GUCA1B: variants seen among roughly 807,000 people sequenced by gnomAD.
The protein encoded by GUCA1B is guanylate cyclase activator 1B.
A neutral mutation model predicts 24.2 loss-of-function variants in GUCA1B; 22 were observed. That is an observed-to-expected ratio of 0.91 (90% CI 0.65 to 1.30). The LOEUF is 1.30. Ranked by LOEUF, GUCA1B falls within the 50% of genes most tolerant of loss-of-function variation. The pLI, the probability that GUCA1B is intolerant of heterozygous loss-of-function variation, is 0.00. For missense variants in GUCA1B, 221 were observed against 258.8 expected (o/e 0.85, Z 1.00); for synonymous variants, 100 against 97.9 (o/e 1.02, Z -0.13).
chr6:42,189,942 C>A (rs1356875883), intron 1 of GUCA1B, among the ~76,000 whole-genome samples: 1 of 152,116 alleles, frequency 6.6e-6, no homozygotes, highest in Non-Finnish European at 1.5e-5. Flanking sequence ...TTCTCCAAAT[C>A]AAAAATCTGA....
chr6:42,189,975 C>T (rs1582332882), intron 1 of GUCA1B, among the ~76,000 whole-genome samples: 1 of 152,268 alleles, frequency 6.6e-6, no homozygotes, highest in South Asian at 2.1e-4. Context: ...CCCAGGAGTG[C>T]CTGTCATTCA....
chr6:42,192,983 A>G (rs1768336162), intron 1 of GUCA1B, among the ~76,000 whole-genome samples: 1 of 152,200 alleles, frequency 6.6e-6, no homozygotes, highest in African/African-American at 2.4e-5. Context: ...TGTATCATGT[A>G]TATGTATATA....
At chr6:42,188,912 C>CT (rs60440417) in intron 1 of GUCA1B, among the ~76,000 whole-genome samples, 181 bp from the exon 2 acceptor site, 2,413 of 85,068 alleles carry the variant, frequency 0.028, 92 homozygotes, top group African/African-American at 0.17. Flanking sequence ...ATATCTATAT[C>CT]ATCTCTCTCT....
chr6:42,184,734 C>T lies in GUCA1B; in HGVS notation c.*81G>A. On this transcript the variant is annotated 3_prime_UTR_variant, in exon 4 of 4. Coordinates refer to ENST00000230361, the MANE Select transcript of GUCA1B (RefSeq NM_002098.6). ...AAGTCAACACCAGGGGAAGAGTGGG[C>T]ATGAGCAGGCTGAGCCAGGGACCCT... 1 of 1,340,322 alleles carries T rather than the reference C, an allele frequency of 7.5e-7. No homozygotes were observed. The highest frequency in any genetic ancestry group is 1.1e-6 in the Non-Finnish European group (1 of 934,764). The allele number at this position is 1,340,322 out of a possible 1,614,324, so 83.0% of individuals were successfully genotyped here.
At chr6:42,191,687 C>T (rs1446287906) in intron 1 of GUCA1B, among the ~76,000 whole-genome samples, 1 of 152,158 alleles carries the variant, frequency 6.6e-6, no homozygotes, top group African/African-American at 2.4e-5. Context: ...TTTACTTAGT[C>T]TCAAGATATA....
Position 42,188,677 on chromosome 6 carries a change from C to T in GUCA1B, c.262G>A (p.Gly88Ser). ...CACTTCAGCTTGTGCTCCAGGGTGC[C>T]CCTCAGCACGAGATTCAGAGCTGCC... ...YVAALNLVLR[G>S]TLEHKLKWTF... is the part of the protein sequence containing the mutation. Residue 88 changes from glycine (G) to serine (S), a missense_variant, in exon 2 of 4, where the codon GGC (glycine) becomes AGC (serine). Physicochemically the swap from Gly to Ser is moderately conservative, Grantham distance 56 (BLOSUM62 0). Coordinates refer to ENST00000230361, the MANE Select transcript of GUCA1B (RefSeq NM_002098.6). 1 of 1,614,010 alleles carries T rather than the reference C, an allele frequency of 6.2e-7. No individual in the cohort carries two copies.
At chr6:42,189,584 G>C (rs888348244) in intron 1 of GUCA1B, among the ~76,000 whole-genome samples, 4 of 152,228 alleles carry the variant, frequency 2.6e-5, no homozygotes, top group East Asian at 1.9e-4. Context: ...CCCACTTCTA[G>C]GTCCCAGTGG....
rs886061396 is a variant in GUCA1B, at chr6:42,184,610, A to G, written c.*205T>C. ...GAAAAGTAACTGAATTCCCTTCACC[A>G]TCCCAGGGACTCCTCCAAAATGGAC... On this transcript the variant is annotated 3_prime_UTR_variant, in exon 4 of 4. Coordinates refer to ENST00000230361, the MANE Select transcript of GUCA1B (RefSeq NM_002098.6). 1.4e-5 allele frequency: 9 copies of G among 646,914 alleles called. No homozygotes were observed. The highest frequency in any genetic ancestry group is 2.3e-5 in the Non-Finnish European group (8 of 353,024). The allele number at this position is 646,914 out of a possible 1,614,324, so 40.1% of individuals were successfully genotyped here.
intron 1 of GUCA1B, among the ~76,000 whole-genome samples, chr6:42,194,273 G>A (rs771354284): frequency 4.6e-5 from 7 of 152,168 alleles, no homozygotes; most frequent in Non-Finnish European, 8.8e-5. Flanking sequence ...GCGAAAACCC[G>A]GTCATTGGGC....
chr6:42,192,333 G>A (rs190384698), intron 1 of GUCA1B, among the ~76,000 whole-genome samples: 24 of 108,836 alleles, frequency 2.2e-4, no homozygotes, highest in Admixed American at 1.9e-3. Flanking sequence ...CAGCCAGGGT[G>A]ACAGAGCGAG....
rs1271165844 is a variant in GUCA1B at position 42,188,620 on chromosome 6, C to T, written c.319G>A (p.Gly107Ser). Residue 107 changes from glycine (G) to serine (S), a missense_variant, in exon 2 of 4, where the codon GGC (glycine) becomes AGC (serine). Coordinates refer to ENST00000230361, the MANE Select transcript of GUCA1B (RefSeq NM_002098.6). The part of the protein sequence containing the change: ...TFKIYDKDGN[G>S]CIDRLELLNI... ...AGTAGCTCCAGGCGGTCGATGCAGC[C>T]ATTGCCATCCTTATCATAGATCTTG... The T allele has an allele frequency of 1.2e-6, 2 of 1,614,172 alleles. No individual in the cohort carries two copies. Among genetic ancestry groups the T allele is most frequent in the East Asian group, 2.2e-5 (1 of 44,878 alleles).
At position 42,188,576 on chromosome 6, in the gene GUCA1B, A is replaced by T; in HGVS notation, c.357+6T>A. The T allele has an allele frequency of 1.2e-6, 2 of 1,614,028 alleles. No homozygotes were observed. The highest frequency in any genetic ancestry group is 1.7e-6 in the Non-Finnish European group (2 of 1,179,944). On this transcript the variant is annotated splice_donor_region_variant and intron_variant, in intron 2 of 3. Transcript: ENST00000230361. ...AGGCTGCTGGCCCATGGGCAGAGAC[A>T]CTAACCTCCACAATGTTGAGTAGCT...
intron 2 of GUCA1B, among the ~76,000 whole-genome samples, chr6:42,187,351 G>A (rs1339626789): frequency 6.6e-6 from 1 of 151,668 alleles, no homozygotes; most frequent in Non-Finnish European, 1.5e-5. Flanking sequence ...TGATCTTCCT[G>A]CCTCGGCCTC....
chr6:42,185,542 C>G (rs1768178445), intron 3 of GUCA1B, 138 bp downstream of exon 3: 5 of 695,474 alleles, frequency 7.2e-6, no homozygotes, highest in Non-Finnish European at 1.3e-5. Flanking sequence ...TTTGTTAGTT[C>G]ATGACATCTT....
chr6:42,186,871 C>T (rs9471801), intron 2 of GUCA1B, among the ~76,000 whole-genome samples: 49,048 of 152,110 alleles, frequency 0.32, 10,493 homozygotes, highest in African/African-American at 0.61. Context: ...CTCTGTGAAA[C>T]AGGGCTAACG....
rs1768170668 is a variant in GUCA1B at position 42,185,040 on chromosome 6, CTTA to C, written c.476-101_476-99del. ...TCGCTCCCAGGATGCGCCTACACGTCTTATGCCAACTATCCTGCAGTCTCAGAC... is the reference window on the plus strand; with the variant it reads ...TCGCTCCCAGGATGCGCCTACACGTCTGCCAACTATCCTGCAGTCTCAGAC... On this transcript the variant is annotated intron_variant, in intron 3 of 3. Transcript: ENST00000230361. 9.2e-6 allele frequency: 10 copies of C among 1,084,080 alleles called. No homozygotes were observed. The South Asian group carries it at 1.2e-4, about 13-fold the overall frequency. The allele number at this position is 1,084,080 out of a possible 1,614,324, so 67.2% of individuals were successfully genotyped here. A position where few individuals can be genotyped will look rare whatever the true frequency, so the allele number is the denominator to read the frequency against.
chr6:42,192,873 C>T (rs1252867938), intron 1 of GUCA1B, among the ~76,000 whole-genome samples: 2 of 152,048 alleles, frequency 1.3e-5, no homozygotes, highest in Non-Finnish European at 2.9e-5. Context: ...GAGCGAGACT[C>T]TGTCTCAAAA....
At chr6:42,186,335 G>A (rs538009048) in intron 2 of GUCA1B, among the ~76,000 whole-genome samples, 10 of 152,308 alleles carry the variant, frequency 6.6e-5, no homozygotes, top group African/African-American at 2.2e-4. Flanking sequence ...GCTCATGCCT[G>A]TAACCCCAGC....
In GUCA1B at chr6:42,193,921, G is replaced by T. The variant is rs556977963; in HGVS notation, c.207+693C>A. Among the ~76,000 whole-genome samples the T allele has an allele frequency of 1.6e-4, 25 of 152,298 alleles. No homozygotes were observed. In the South Asian group the frequency reaches 5.2e-3, roughly 32 times the overall value. ...ACTGGATAACCTTAAATAATCAAGG[G>T]GTTTTTAACTGAATTGAAATTTAAA... On this transcript the variant is annotated intron_variant, in intron 1 of 3. Transcript: ENST00000230361.
Sources: gnomAD v4.1 joint callset for allele counts (sites outside exome capture counted in the v4.1 genomes callset) on GRCh38, gnomAD v4.1.1 for gene constraint, MANE v1.5 for transcripts, NCBI Gene and HGNC (gene_info 2026-07-23, HGNC 2026-07-21) for gene names.